NCOA2: variants seen among roughly 807,000 people sequenced by gnomAD.
NCOA2 encodes class E basic helix-loop-helix protein 75.
Under a neutral mutation model 145.1 loss-of-function variants are expected in NCOA2, and 21 were observed. The ratio of observed to expected loss-of-function variants is 0.14; its 90% CI spans 0.10 to 0.21. The LOEUF is 0.21. Ranked by LOEUF, NCOA2 falls within the 10% of genes least tolerant of loss-of-function variation. NCOA2 has a pLI of 1.00. For missense variants in NCOA2, 1,472 were observed against 1,837.6 expected, an observed-to-expected ratio of 0.80 and a Z score of 3.64; for synonymous variants, 619 against 637.5, an observed-to-expected ratio of 0.97 and a Z score of 0.44.
At chr8:70,414,042 T>C in the NCOA2 span, among the ~76,000 whole-genome samples, 2 of 152,360 alleles carry the variant, frequency 1.3e-5, no homozygotes, top group East Asian at 3.9e-4. Flanking sequence ...ATATATGATA[T>C]TTAGTTTAAA....
intron 7 of NCOA2, among the ~76,000 whole-genome samples, chr8:70,166,161 C>T (rs919631979): frequency 2.0e-5 from 3 of 152,188 alleles, no homozygotes; most frequent in Non-Finnish European, 4.4e-5. Flanking sequence ...ACAGCTTGCA[C>T]TAGATGTTCA....
chr8:70,281,914 C>T (rs1825914719), intron 2 of NCOA2, among the ~76,000 whole-genome samples: 1 of 152,166 alleles, frequency 6.6e-6, no homozygotes, highest in African/African-American at 2.4e-5. Context: ...TATTCAAAGC[C>T]TTCCTAAAAG....
At chr8:70,200,973 A>G (rs1007510031) in intron 4 of NCOA2, among the ~76,000 whole-genome samples, 4 of 145,224 alleles carry the variant, frequency 2.8e-5, no homozygotes, top group Non-Finnish European at 6.0e-5. Flanking sequence ...ACTTGAGCCC[A>G]GGAAGTCAAG....
intron 2 of NCOA2, among the ~76,000 whole-genome samples, chr8:70,240,038 C>T (rs947802610): frequency 1.3e-5 from 2 of 152,266 alleles, no homozygotes; most frequent in African/African-American, 4.8e-5. Context: ...GACTATCACA[C>T]AGACACAAAG....
chr8:70,401,314 CCA>C (rs746783746), intron 1 of NCOA2, among the ~76,000 whole-genome samples: 2 of 152,074 alleles, frequency 1.3e-5, no homozygotes, highest in Admixed American at 6.6e-5. Context: ...AGAAAAGTAC[CCA>C]CACACTGTAC....
chr8:70,339,882 G>A (rs1807966965), intron 1 of NCOA2, among the ~76,000 whole-genome samples: 1 of 152,168 alleles, frequency 6.6e-6, no homozygotes, highest in African/African-American at 2.4e-5. Flanking sequence ...GAACTGGCTA[G>A]CCATATGCAA....
At chr8:70,315,943 G>T (rs899758270) in intron 1 of NCOA2, among the ~76,000 whole-genome samples, 45 of 152,268 alleles carry the variant, frequency 3.0e-4, no homozygotes, top group African/African-American at 1.1e-3. Context: ...CCCTGCTGGG[G>T]TATAATATTA....
At chr8:70,407,189 A>G (rs1233771520), upstream of NCOA2, among the ~76,000 whole-genome samples, 1 of 152,198 alleles carries the variant, frequency 6.6e-6, no homozygotes, top group Non-Finnish European at 1.5e-5. Flanking sequence ...CAGTTAAAAC[A>G]TTTGTTTGTC....
chr8:70,236,235 T>C (rs1224757723), intron 2 of NCOA2, among the ~76,000 whole-genome samples: 1 of 152,224 alleles, frequency 6.6e-6, no homozygotes, highest in African/African-American at 2.4e-5. Flanking sequence ...ACCTCTCACC[T>C]GGATTATCCA....
intron 1 of NCOA2, among the ~76,000 whole-genome samples, chr8:70,301,655 CAAAAAAAAAAAA>C (rs71275063): frequency 0.16 from 9,679 of 60,462 alleles, 548 homozygotes; most frequent in Non-Finnish European, 0.21. Context: ...GACCCTTTCT[CAAAAAAAAAAAA>C]AAAAAAAAAA....
intron 10 of NCOA2, among the ~76,000 whole-genome samples, chr8:70,159,225 T>TAC (rs1812627074): frequency 5.6e-5 from 4 of 71,344 alleles, no homozygotes; most frequent in Non-Finnish European, 1.0e-4. Flanking sequence ...TATAACATTA[T>TAC]ATATATATAT....
intron 1 of NCOA2, among the ~76,000 whole-genome samples, chr8:70,391,772 G>A (rs1308899374): frequency 2.0e-5 from 3 of 152,208 alleles, no homozygotes; most frequent in Non-Finnish European, 2.9e-5. Context: ...AATGCAATGA[G>A]TAAACTTGAT....
chr8:70,211,976 T>A (rs2133843647), intron 4 of NCOA2, among the ~76,000 whole-genome samples: 1 of 151,866 alleles, frequency 6.6e-6, no homozygotes, highest in South Asian at 2.1e-4. Flanking sequence ...AGTCCCAGCA[T>A]GACACATCTG....
the NCOA2 span, among the ~76,000 whole-genome samples, chr8:70,418,717 T>C: frequency 2.0e-5 from 3 of 152,244 alleles, no homozygotes; most frequent in Non-Finnish European, 4.4e-5. Context: ...AAAATGCTTC[T>C]GTGAAAACTA....
At chr8:70,125,601 A>T (rs1808325271) in intron 19 of NCOA2, among the ~76,000 whole-genome samples, 1 of 152,224 alleles carries the variant, frequency 6.6e-6, no homozygotes, top group South Asian at 2.1e-4. Context: ...TCAGCTATAT[A>T]TCAAAAGTCA....
the NCOA2 span, among the ~76,000 whole-genome samples, chr8:70,435,452 A>T: frequency 6.8e-6 from 1 of 148,076 alleles, no homozygotes; most frequent in Admixed American, 6.7e-5. Flanking sequence ...AAAAAAAAAA[A>T]AGAATACACA....
chr8:70,275,592 C>A (rs915834428), intron 2 of NCOA2, among the ~76,000 whole-genome samples: 9 of 151,842 alleles, frequency 5.9e-5, no homozygotes, highest in African/African-American at 2.2e-4. Context: ...ATTAAAAAAA[C>A]AAACAGCTAA....
intron 2 of NCOA2, among the ~76,000 whole-genome samples, chr8:70,264,173 T>C (rs574855333): frequency 1.4e-4 from 21 of 151,474 alleles, no homozygotes; most frequent in Non-Finnish European, 2.7e-4. Context: ...GATCACGCCA[T>C]TGCACTCATC....
chr8:70,399,774 T>C (rs1196373651), intron 1 of NCOA2, among the ~76,000 whole-genome samples: 3 of 152,236 alleles, frequency 2.0e-5, no homozygotes, highest in African/African-American at 7.2e-5. Context: ...AAAGAGACCA[T>C]CCCCTTTTGT....
Sources: gnomAD v4.1 joint callset for allele counts (sites outside exome capture counted in the v4.1 genomes callset) on GRCh38, gnomAD v4.1.1 for gene constraint, MANE v1.5 for transcripts, NCBI Gene and HGNC (gene_info 2026-07-23, HGNC 2026-07-21) for gene names.